TRAPPC8: variants seen among roughly 807,000 people sequenced by gnomAD.
The protein encoded by TRAPPC8 is trafficking protein particle complex subunit 8.
TRAPPC8 carries 54 observed loss-of-function variants against 174.3 expected under a neutral mutation model. The ratio of observed to expected loss-of-function variants is 0.31; its 90% confidence interval spans 0.25 to 0.39. The LOEUF is 0.39. TRAPPC8 is among the 10% of genes least tolerant of loss of function. The pLI is 1.00. For synonymous variants in TRAPPC8, 630 were observed against 579.9 expected, an observed-to-expected ratio of 1.09 and a Z score of -1.24; for missense variants, 1,531 against 1,699.1, an observed-to-expected ratio of 0.90 and a Z score of 1.74.
At chr18:31,834,553 C>G (rs1288270246) in intron 27 of TRAPPC8, among the ~76,000 whole-genome samples, 1 of 152,206 alleles carries the variant, frequency 6.6e-6, no homozygotes, top group Non-Finnish European at 1.5e-5. Context: ...GCTCTAGAGT[C>G]AGACTGCTAC....
chr18:31,851,806 G>T (rs909423452), intron 24 of TRAPPC8, among the ~76,000 whole-genome samples: 2 of 151,850 alleles, frequency 1.3e-5, no homozygotes, highest in Non-Finnish European at 2.9e-5. Flanking sequence ...AAATTCAGAG[G>T]GTTATCATCT....
intron 12 of TRAPPC8, among the ~76,000 whole-genome samples, chr18:31,884,715 A>G (rs1416684729): frequency 6.6e-6 from 1 of 152,050 alleles, no homozygotes; most frequent in Non-Finnish European, 1.5e-5. Context: ...TTTTAAAGAA[A>G]TATTTTCTTG....
Position 31,907,590 on chromosome 18 carries a change from T to C in TRAPPC8, c.1259A>G (p.Glu420Gly), listed in dbSNP as rs2036718110. The change falls in exon 9 of 29, where the codon GAA (glutamate) becomes GGA (glycine). Residue 420 changes from glutamate (E) to glycine (G), a missense_variant. Physicochemically the swap from Glu to Gly is moderately conservative, Grantham distance 98. Transcript: ENST00000283351. ...SGLLYPPEAPELQIRKMADLC... is the reference protein window; with the variant it reads ...SGLLYPPEAPGLQIRKMADLC... ...GTCAGCCATTTTCCTGATTTGAAGTTCTGGTGCTTCCGGCGGATACCTGTA... is the reference window on the plus strand; with the variant it reads ...GTCAGCCATTTTCCTGATTTGAAGTCCTGGTGCTTCCGGCGGATACCTGTA... 6.2e-7 allele frequency: 1 copy of C among 1,609,946 alleles called. No individual in the cohort carries two copies.
chr18:31,893,026 G>GAA (rs75962728), intron 11 of TRAPPC8, among the ~76,000 whole-genome samples: 13,594 of 135,800 alleles, frequency 0.1, 883 homozygotes, highest in East Asian at 0.35. Flanking sequence ...CAAAAAAAGG[G>GAA]AAAAAAAAAA....
chr18:31,829,251 GTTTAA>G lies in TRAPPC8; in HGVS notation c.*1499_*1503del, dbSNP rs1456447792. The stretch of plus-strand genomic sequence containing the variant: ...ATATATTCAGTTGTAGGTTTATATA[GTTTAA>G]TTTTTTTATTAGTGTCTGTTTAACA... On this transcript the variant is annotated 3_prime_UTR_variant, in exon 29 of 29. Transcript: ENST00000283351. The G allele has an allele frequency of 6.6e-6, 1 of 152,120 alleles. No homozygotes were observed. Among genetic ancestry groups the G allele is most frequent in the Non-Finnish European group, 1.5e-5 (1 of 68,018 alleles). The allele number at this position is 152,120 out of a possible 1,614,324, so 9.4% of individuals were successfully genotyped here. A position where few individuals can be genotyped will look rare whatever the true frequency, so the allele number is the denominator to read the frequency against.
intron 26 of TRAPPC8, 133 bp downstream of exon 26, chr18:31,846,576 AAAACAAC>A: frequency 1.5e-6 from 1 of 686,392 alleles, no homozygotes; most frequent in Non-Finnish European, 2.5e-6. Context: ...ATCCAGTCTC[AAAACAAC>A]AACAAAAAAA....
chr18:31,939,116 A>G (rs1444028095), intron 1 of TRAPPC8, among the ~76,000 whole-genome samples: 2 of 145,160 alleles, frequency 1.4e-5, no homozygotes, highest in Non-Finnish European at 3.0e-5. Flanking sequence ...CTGTCTTTGA[A>G]GAATCCCCAC....
chr18:31,858,354 A>G (rs1300193719), intron 19 of TRAPPC8, among the ~76,000 whole-genome samples: 3 of 152,212 alleles, frequency 2.0e-5, no homozygotes, highest in Non-Finnish European at 2.9e-5. Context: ...TGTCAACTAA[A>G]GAAGCAGCTC....
chr18:31,873,007 C>CTTTT (rs59209328), intron 14 of TRAPPC8, among the ~76,000 whole-genome samples: 16 of 74,600 alleles, frequency 2.1e-4, no homozygotes, highest in Admixed American at 4.5e-4. Context: ...ATTCATTTTC[C>CTTTT]TTTTTTTTTT....
At chr18:31,886,943 TGCACTCCAGC>T (rs2035745894) in intron 12 of TRAPPC8, among the ~76,000 whole-genome samples, 1 of 152,042 alleles carries the variant, frequency 6.6e-6, no homozygotes, top group Non-Finnish European at 1.5e-5. Flanking sequence ...ATTGCACCAC[TGCACTCCAGC>T]CTGGGTGACA....
chr18:31,896,770 T>C (rs569440575), intron 11 of TRAPPC8, among the ~76,000 whole-genome samples: 1 of 152,250 alleles, frequency 6.6e-6, no homozygotes, highest in South Asian at 2.1e-4. Context: ...ATTACAGGTG[T>C]GCACCACCAT....
chr18:31,890,738 C>T lies in TRAPPC8; in HGVS notation c.1725G>A (p.Gly575=). Reference sequence around the variant, plus strand: ...ATTGTAAAGCAAATGCACTCACCTGCCCTGCTTTACTAAATCGATGGCCTG... The same window carrying T: ...ATTGTAAAGCAAATGCACTCACCTGTCCTGCTTTACTAAATCGATGGCCTG... ...ILAGHRFSKA[G]QKKHALRCYC... Residue 575 remains glycine, a synonymous_variant, in exon 12 of 29, where the codon GGG becomes GGA. Transcript: ENST00000283351. 1 of 1,609,984 alleles carries T rather than the reference C, an allele frequency of 6.2e-7. No individual in the cohort carries two copies. Among genetic ancestry groups the T allele is most frequent in the South Asian group, 1.1e-5 (1 of 90,390 alleles).
chr18:31,856,931 C>A (rs1160286167), intron 20 of TRAPPC8, among the ~76,000 whole-genome samples: 3 of 151,404 alleles, frequency 2.0e-5, no homozygotes, highest in Admixed American at 6.6e-5. Context: ...CCTGCCTCAG[C>A]CTCCCAAGTT....
intron 1 of TRAPPC8, among the ~76,000 whole-genome samples, chr18:31,935,740 C>CTT (rs916401903): frequency 1.4e-5 from 2 of 139,406 alleles, no homozygotes; most frequent in Admixed American, 1.4e-4. Flanking sequence ...GACCCCATTT[C>CTT]TTTTTTTTTT....
Position 31,909,669 on chromosome 18 carries a change from T to C in TRAPPC8, c.863A>G (p.Lys288Arg). Residue 288 changes from lysine to arginine, a missense_variant and splice_region_variant, in exon 6 of 29, where the codon AAA becomes AGA. Transcript: ENST00000283351. Reference protein sequence around the residue: ...LSLDGLDNEVKDGLPNNFRAH... With the variant: ...LSLDGLDNEVRDGLPNNFRAH... Reference sequence around the variant, plus strand: ...ACTTAGAGAAAATATATCAAGACCTTTGACTTCGTTATCTAATCCATCCAA... The same window carrying C: ...ACTTAGAGAAAATATATCAAGACCTCTGACTTCGTTATCTAATCCATCCAA... 1 of 1,597,802 alleles carries C rather than the reference T, an allele frequency of 6.3e-7. No individual in the cohort carries two copies. The highest frequency in any genetic ancestry group is 8.5e-7 in the Non-Finnish European group (1 of 1,175,692).
At chr18:31,847,678 C>T (rs1210953984) in intron 25 of TRAPPC8, among the ~76,000 whole-genome samples, 2 of 152,050 alleles carry the variant, frequency 1.3e-5, no homozygotes, top group Non-Finnish European at 2.9e-5. Context: ...ATTTGCAAAA[C>T]CCAGAAAGGC....
At chr18:31,842,200 G>GCCC (rs1485658767) in intron 26 of TRAPPC8, among the ~76,000 whole-genome samples, 1 of 152,162 alleles carries the variant, frequency 6.6e-6, no homozygotes, top group Admixed American at 6.5e-5. Flanking sequence ...TTTGTCCAAG[G>GCCC]TGTGTCATTT....
chr18:31,850,895 A>G (rs1055156550), intron 24 of TRAPPC8, among the ~76,000 whole-genome samples: 1 of 152,196 alleles, frequency 6.6e-6, no homozygotes, highest in Non-Finnish European at 1.5e-5. Context: ...TGGGATTTTA[A>G]AAGTTTTTAA....
intron 19 of TRAPPC8, among the ~76,000 whole-genome samples, chr18:31,861,038 T>C (rs898620557): frequency 1.3e-4 from 20 of 152,224 alleles, no homozygotes; most frequent in African/African-American, 4.8e-4. Flanking sequence ...GTGCAACTTA[T>C]GGATGTAGTT....
Sources: allele counts gnomAD v4.1 joint callset (sites outside exome capture counted in the v4.1 genomes callset), GRCh38; gene constraint gnomAD v4.1.1; transcripts MANE v1.5; gene names NCBI Gene and HGNC (gene_info 2026-07-23, HGNC 2026-07-21).